The following CHD1 variants were observed in gnomAD, a reference collection of about 807,000 sequenced individuals.
The protein encoded by CHD1 is chromodomain helicase DNA binding protein 1, also known as ATP-dependent chromatin remodeler CHD1.
Under a neutral mutation model 224.2 loss-of-function variants are expected in CHD1, and 36 were observed. The observed-to-expected ratio is 0.16, with a 90% CI of 0.12 to 0.21. CHD1 has a LOEUF of 0.21. Ranked by LOEUF, CHD1 falls within the 10% of genes least tolerant of loss-of-function variation. CHD1 has a pLI of 1.00. For missense variants in CHD1, 1,378 were observed against 1,994.8 expected (o/e 0.69, Z 5.89); for synonymous variants, 668 against 658.3 (o/e 1.01, Z -0.23).
chr5:98,861,870 T>G (rs1164652970), intron 32 of CHD1, among the ~76,000 whole-genome samples: 1 of 151,814 alleles, frequency 6.6e-6, no homozygotes, highest in Non-Finnish European at 1.5e-5. Context: ...CTTTTTTTTC[T>G]TGTTTCTGCA....
Position 98,888,116 on chromosome 5 carries a change from T to C in CHD1, c.2468A>G (p.Tyr823Cys). 1 of 1,600,312 alleles carries C rather than the reference T, an allele frequency of 6.2e-7. No homozygotes were observed. Among genetic ancestry groups the C allele is most frequent in the Non-Finnish European group, 8.5e-7 (1 of 1,172,542 alleles). The change falls in exon 17 of 36, where the codon TAT becomes TGT. Residue 823 changes from tyrosine (Y) to cysteine (C), a missense_variant. Physicochemically the swap from Tyr to Cys is radical, Grantham distance 194. Around this residue, in one of 16 missense-constraint regions of CHD1, gnomAD observed 57 missense variants for 177.2 expected, o/e 0.32. Transcript: ENST00000614616. ...MVRMLDILAE[Y>C]LKYRQFPFQR... ...AAAGGGGAATTGACGATATTTCAAA[T>C]ATTCTGCAAGTATATCTAACATCCG...
chr5:98,867,113 T>C (rs1748933403), intron 31 of CHD1, among the ~76,000 whole-genome samples: 1 of 152,174 alleles, frequency 6.6e-6, no homozygotes, highest in Admixed American at 6.5e-5. Flanking sequence ...TTATATTATG[T>C]AATTACATAA....
At chr5:98,913,458 G>A (rs546808415) in intron 2 of CHD1, among the ~76,000 whole-genome samples, 1 of 152,232 alleles carries the variant, frequency 6.6e-6, no homozygotes, top group South Asian at 2.1e-4. Context: ...CTGGACAAGA[G>A]CCAGACCCTA....
intron 25 of CHD1, 127 bp downstream of exon 25, chr5:98,874,945 T>A (rs1366014134): frequency 1.3e-5 from 8 of 604,886 alleles, no homozygotes; most frequent in Non-Finnish European, 2.4e-5. Flanking sequence ...CCCTTGTACA[T>A]TAATTTTGTA....
chr5:98,914,517 G>GAA (rs150899249), intron 2 of CHD1, among the ~76,000 whole-genome samples: 4 of 147,672 alleles, frequency 2.7e-5, no homozygotes, highest in Admixed American at 6.7e-5. Context: ...AAATGCCATA[G>GAA]AAAAAAAAAA....
At chr5:98,910,369 A>G (rs1752312777) in intron 2 of CHD1, among the ~76,000 whole-genome samples, 1 of 152,186 alleles carries the variant, frequency 6.6e-6, no homozygotes, top group Non-Finnish European at 1.5e-5. Flanking sequence ...TCACTTCTAC[A>G]GTCAAATAAC....
chr5:98,907,957 G>A (rs1358392723), intron 2 of CHD1, among the ~76,000 whole-genome samples: 1 of 152,006 alleles, frequency 6.6e-6, no homozygotes, highest in Non-Finnish European at 1.5e-5. Flanking sequence ...AAAACTTTGA[G>A]CTAAAATAGG....
At chr5:98,925,167 G>A (rs1341947987) in intron 2 of CHD1, among the ~76,000 whole-genome samples, 1 of 152,034 alleles carries the variant, frequency 6.6e-6, no homozygotes, top group African/African-American at 2.4e-5. Context: ...CACAAAACAT[G>A]CTGGTTACAA....
Position 98,854,190 on chromosome 5 carries a change from AAATG to A in CHD1, c.*2186_*2189del, listed in dbSNP as rs1747868274. 6.6e-6 allele frequency: 1 copy of A among 151,890 alleles called. No individual in the cohort carries two copies. Among genetic ancestry groups the A allele is most frequent in the Admixed American group, 6.6e-5 (1 of 15,256 alleles). The allele number at this position is 151,890 out of a possible 1,614,324, so 9.4% of individuals were successfully genotyped here. A position where few individuals can be genotyped will look rare whatever the true frequency, so the allele number is the denominator to read the frequency against. Reference sequence around the variant, plus strand: ...TCTTAATTTTTCTGATTTCTTACAAAAATGAACATATTTTATCATTTGATAAATG... The same window carrying A: ...TCTTAATTTTTCTGATTTCTTACAAAAACATATTTTATCATTTGATAAATG... On this transcript the variant is annotated 3_prime_UTR_variant, in exon 36 of 36. Transcript: ENST00000614616.
Position 98,870,819 on chromosome 5 carries a change from A to T in CHD1, c.3862-16T>A, listed in dbSNP as rs1561489546. On this transcript the variant is annotated splice_polypyrimidine_tract_variant and intron_variant, in intron 28 of 35. Coordinates refer to ENST00000614616, the MANE Select transcript of CHD1 (RefSeq NM_001270.4). ...CTGGAAGAATCTGAAAAAGCAATAA[A>T]TTTTTTCAGATTGTCTTAATAAATA... The T allele has an allele frequency of 1.3e-6, 2 of 1,502,212 alleles. No individual in the cohort carries two copies. The highest frequency in any genetic ancestry group is 1.7e-5 in the Admixed American group (1 of 57,842). 93.1% of individuals were successfully genotyped at this position (1,502,212 alleles called of 1,614,324 possible). A position where few individuals can be genotyped will look rare whatever the true frequency, so the allele number is the denominator to read the frequency against.
At position 98,854,867 on chromosome 5, in the gene CHD1, T is replaced by C. The variant is rs1747905452; in HGVS notation, c.*1513A>G. On this transcript the variant is annotated 3_prime_UTR_variant, in exon 36 of 36. Coordinates refer to ENST00000614616, the MANE Select transcript of CHD1 (RefSeq NM_001270.4). ...CAAATTTGTTACATCAAAGCATACA[T>C]GCAAGAATGTGTGCCACATGACTTA... The C allele has an allele frequency of 6.6e-6, 1 of 152,158 alleles. No individual in the cohort carries two copies. Among genetic ancestry groups the C allele is most frequent in the African/African-American group, 2.4e-5 (1 of 41,450 alleles). 9.4% of individuals were successfully genotyped at this position (152,158 alleles called of 1,614,324 possible).
intron 2 of CHD1, among the ~76,000 whole-genome samples, chr5:98,911,146 A>AAAAAAAAT (rs1491111295): frequency 2.3e-4 from 9 of 39,132 alleles, no homozygotes; most frequent in Non-Finnish European, 3.6e-4. Context: ...AAAAAAAAAA[A>AAAAAAAAT]ATATATATAT....
At chr5:98,868,719 C>T in intron 30 of CHD1, 84 bp from the exon 31 acceptor site, 1 of 1,277,558 alleles carries the variant, frequency 7.8e-7, no homozygotes. Flanking sequence ...AAAATAATTA[C>T]TGTCTCATTT....
rs70984334 is a variant in CHD1, at chr5:98,917,299, C to CAAAAAAAA, written c.53+9027_53+9034dup. 5.2e-4 allele frequency among the ~76,000 whole-genome samples: 62 copies of CAAAAAAAA among 119,778 alleles called. 1 individual carries two copies. The highest frequency in any genetic ancestry group is 1.2e-3 in the South Asian group (4 of 3,384). 78.6% of individuals were successfully genotyped at this position (119,778 alleles called of 152,430 possible). On this transcript the variant is annotated intron_variant, in intron 2 of 35. Transcript: ENST00000614616. The stretch of plus-strand genomic sequence containing the variant: ...GCCCATCCCTCCAAAAACAAAGAAA[C>CAAAAAAAA]AAAAAAAAAAAACAACCTCTTAATT...
intron 29 of CHD1, 32 bp downstream of exon 29, chr5:98,870,655 A>T: frequency 1.5e-6 from 2 of 1,290,522 alleles, no homozygotes; most frequent in Non-Finnish European, 2.2e-6. Context: ...CTAAAAAGTA[A>T]ACTGGTCTTA....
At chr5:98,888,851 TG>T (rs1295100219) in intron 16 of CHD1, among the ~76,000 whole-genome samples, 1 of 152,228 alleles carries the variant, frequency 6.6e-6, no homozygotes, top group African/African-American at 2.4e-5. Context: ...TTATAGGCCA[TG>T]GTTTGAGAGA....
intron 23 of CHD1, among the ~76,000 whole-genome samples, chr5:98,877,782 A>C (rs774557355): frequency 2.6e-5 from 4 of 152,202 alleles, no homozygotes; most frequent in Non-Finnish European, 5.9e-5. Flanking sequence ...AACAGAAACA[A>C]GAAATAACAT....
In CHD1 at chr5:98,858,214, G is replaced by A. The variant is rs765994988; in HGVS notation, c.4753C>T (p.His1585Tyr). The change falls in exon 35 of 36, where the codon CAT becomes TAT. Residue 1585 changes from histidine to tyrosine, a missense_variant. His to Tyr is a moderately conservative substitution (Grantham distance 83). Coordinates refer to ENST00000614616, the MANE Select transcript of CHD1 (RefSeq NM_001270.4). ...PYSSFSNGKDHRDWDHYKQDS... is the reference protein window; with the variant it reads ...PYSSFSNGKDYRDWDHYKQDS... ...TGCTTGTAGTGATCCCAATCACGAT[G>A]GTCTTTACCATTACTAAAAGAAGAA... The A allele has an allele frequency of 2.5e-6, 4 of 1,612,894 alleles. No individual in the cohort carries two copies. The highest frequency in any genetic ancestry group is 1.7e-5 in the Admixed American group (1 of 59,964).
intron 2 of CHD1, among the ~76,000 whole-genome samples, chr5:98,918,430 T>C (rs1217528394): frequency 6.6e-6 from 1 of 151,672 alleles, no homozygotes; most frequent in Non-Finnish European, 1.5e-5. Context: ...ATTCTCCTTA[T>C]TAGGGGACTT....
Sources: gnomAD v4.1 joint callset for allele counts (sites outside exome capture counted in the v4.1 genomes callset) on GRCh38, gnomAD v4.1.1 for gene constraint, gnomAD v4.1.1 regional missense constraint, MANE v1.5 for transcripts, NCBI Gene and HGNC (gene_info 2026-07-23, HGNC 2026-07-21) for gene names.